The following STAG2 variants were observed in gnomAD, a reference collection of about 807,000 sequenced individuals.
The protein encoded by STAG2 is cohesin subunit SA-2.
Under a neutral mutation model 108.1 loss-of-function variants are expected in STAG2, and 14 were observed. The ratio of observed to expected loss-of-function variants is 0.13; its 90% CI spans 0.09 to 0.20. The LOEUF is 0.20. STAG2 is among the 10% of genes least tolerant of loss of function. The probability of loss-of-function intolerance (pLI) is 1.00; values close to 1 mark genes in which losing one functional copy is unlikely to be tolerated. For synonymous variants in STAG2, 307 were observed against 302.7 expected (o/e 1.01, Z -0.15); for missense variants, 440 against 940.9 (o/e 0.47, Z 6.96).
chrX:124,003,370 C>A (rs1382536417), intron 1 of STAG2: 2 of 111,619 alleles, frequency 1.8e-5, no homozygotes, highest in African/African-American at 6.5e-5. Flanking sequence ...TCACTGGCTT[C>A]TTTAGTTTTC....
At chrX:124,049,170 A>G in intron 10 of STAG2, 92 bp downstream of exon 10, 1 of 688,888 alleles carries the variant, frequency 1.5e-6, no homozygotes. Flanking sequence ...CTAAATTAGC[A>G]GGAAGAATGT....
intron 1 of STAG2, among the ~76,000 whole-genome samples, chrX:124,002,075 A>G (rs1010837859): frequency 1.8e-5 from 2 of 111,317 alleles, no homozygotes; most frequent in African/African-American, 6.5e-5. Context: ...TAAACACACA[A>G]AAACACAAAA....
At chrX:123,963,891 T>G (rs980758878) in intron 1 of STAG2, among the ~76,000 whole-genome samples, 1 of 111,801 alleles carries the variant, frequency 8.9e-6, no homozygotes, top group African/African-American at 3.3e-5. Context: ...TTTTTGATAC[T>G]TTTGCTATCT....
At chrX:124,072,394 A>G (rs2058685056) in intron 25 of STAG2, among the ~76,000 whole-genome samples, 1 of 112,040 alleles carries the variant, frequency 8.9e-6, no homozygotes, top group African/African-American at 3.2e-5. Context: ...ACTTTTAGCA[A>G]TAGAGAGCTT....
chrX:124,086,485 T>C (rs931355887), intron 29 of STAG2, 62 bp from the exon 30 acceptor site: 1 of 924,416 alleles, frequency 1.1e-6, no homozygotes, highest in African/African-American at 1.9e-5. Flanking sequence ...CTCGCACAAC[T>C]ATGAGTTAAT....
Position 124,081,956 on chromosome X carries a change from C to T in STAG2, c.2924+428C>T, listed in dbSNP as rs376025634. Among the ~76,000 whole-genome samples the T allele has an allele frequency of 8.9e-5, 10 of 112,017 alleles. 1 individual carries two copies. Among genetic ancestry groups the T allele is most frequent in the East Asian group, 8.4e-4 (3 of 3,572 alleles). The stretch of plus-strand genomic sequence containing the variant: ...AGTGAGCTGAGATTGCGCCACTGCA[C>T]TCCAGCCTGGGGGACAGAGCGAGGC... On this transcript the variant is annotated intron_variant, in intron 28 of 34. Coordinates refer to ENST00000371145, the MANE Select transcript of STAG2 (RefSeq NM_001042750.2).
At chrX:124,095,964 G>T (rs1251684623) in intron 34 of STAG2, among the ~76,000 whole-genome samples, 1 of 109,966 alleles carries the variant, frequency 9.1e-6, no homozygotes, top group Non-Finnish European at 1.9e-5. Context: ...GGTTTTGTCA[G>T]TTATTTTTCT....
chrX:123,998,587 C>CATCT (rs61659958), intron 1 of STAG2, among the ~76,000 whole-genome samples: 2,679 of 88,363 alleles, frequency 0.03, 52 homozygotes, highest in Admixed American at 0.051. Context: ...TCTGTCTATC[C>CATCT]ATCTATCTAT....
At position 123,967,905 on chromosome X, in the gene STAG2, C is replaced by CT. The variant is rs35898868; in HGVS notation, c.-163+6063dup. Among the ~76,000 whole-genome samples, 370 of 101,481 alleles carry CT rather than the reference C, an allele frequency of 3.6e-3. 3 individuals are homozygous for CT. The highest frequency in any genetic ancestry group is 9.6e-3 in the African/African-American group (271 of 28,162). 88.1% of individuals were successfully genotyped at this position (101,481 alleles called of 115,157 possible). ...CCTTATAATCTTATGGGACCACTGT[C>CT]TTTTTTTTTTTTTTAGATGGAGTCT... is the stretch of plus-strand genomic sequence containing the variant. On this transcript the variant is annotated intron_variant, in intron 1 of 34. Coordinates refer to ENST00000371145, the MANE Select transcript of STAG2 (RefSeq NM_001042750.2).
chrX:124,073,040 C>T lies in STAG2; in HGVS notation c.2533+1717C>T, dbSNP rs772442471. On this transcript the variant is annotated intron_variant, in intron 25 of 34. Transcript: ENST00000371145. ...GATTACAGGCATGAGCCACTGCGCCCGGCCTATAGTGCAATTTTTGATAAG... is the reference window on the plus strand; with the variant it reads ...GATTACAGGCATGAGCCACTGCGCCTGGCCTATAGTGCAATTTTTGATAAG... 1.8e-4 allele frequency among the ~76,000 whole-genome samples: 19 copies of T among 107,681 alleles called. No homozygotes were observed. In the East Asian group the frequency reaches 4.9e-3, roughly 28 times the overall value. 93.5% of individuals were successfully genotyped at this position (107,681 alleles called of 115,157 possible).
At chrX:124,057,819 T>G in intron 14 of STAG2, 47 bp from the exon 15 acceptor site, 1 of 888,612 alleles carries the variant, frequency 1.1e-6, no homozygotes, top group Non-Finnish European at 1.5e-6. Flanking sequence ...TATTAGAAAA[T>G]TTTTTGTTGT....
At chrX:124,006,196 T>C (rs2056280194) in intron 1 of STAG2, among the ~76,000 whole-genome samples, 1 of 111,369 alleles carries the variant, frequency 9.0e-6, no homozygotes, top group Non-Finnish European at 1.9e-5. Flanking sequence ...CTTTCATGTT[T>C]TGGCTATTAC....
chrX:123,994,630 T>G (rs1057232605), intron 1 of STAG2, among the ~76,000 whole-genome samples: 2 of 112,083 alleles, frequency 1.8e-5, no homozygotes, highest in African/African-American at 6.5e-5. Context: ...TTTTAGATAG[T>G]TCCTTAAGTA....
intron 6 of STAG2, among the ~76,000 whole-genome samples, chrX:124,038,518 T>C (rs2057591967): frequency 9.0e-6 from 1 of 111,236 alleles, no homozygotes; most frequent in Non-Finnish European, 1.9e-5. Flanking sequence ...AAAGAATGAT[T>C]TATTTAAACA....
intron 33 of STAG2, 100 bp downstream of exon 33, chrX:124,094,244 A>T (rs1365665868): frequency 1.1e-6 from 1 of 878,199 alleles, no homozygotes. Context: ...AAGAGAAGTA[A>T]GTTTTGCAAA....
At chrX:124,087,887 C>T (rs2059145418) in intron 30 of STAG2, among the ~76,000 whole-genome samples, 1 of 111,863 alleles carries the variant, frequency 8.9e-6, no homozygotes, top group Non-Finnish European at 1.9e-5. Flanking sequence ...ATCTTTTGTC[C>T]AGTAGTATAA....
intron 1 of STAG2, among the ~76,000 whole-genome samples, chrX:123,993,034 G>C (rs1482902640): frequency 9.0e-6 from 1 of 111,447 alleles, no homozygotes; most frequent in Non-Finnish European, 1.9e-5. Flanking sequence ...ATCTTGTTGG[G>C]ATTGATTATA....
At chrX:124,071,375 C>T in intron 25 of STAG2, 52 bp downstream of exon 25, 1 of 994,982 alleles carries the variant, frequency 1.0e-6, no homozygotes, top group Non-Finnish European at 1.4e-6. Flanking sequence ...TAAAATCAAA[C>T]TTAAGTAACA....
chrX:124,030,954 T>G lies in STAG2; in HGVS notation c.124-7T>G. The G allele has an allele frequency of 3.4e-6, 4 of 1,186,584 alleles. No individual in the cohort carries two copies. Among genetic ancestry groups the G allele is most frequent in the Non-Finnish European group, 4.5e-6 (4 of 885,802 alleles). ...TATAACTTAACCACCTCGTATTTTTTATGCAGACTTGTAAAAAAGGCAAAA... is the reference window on the plus strand; with the variant it reads ...TATAACTTAACCACCTCGTATTTTTGATGCAGACTTGTAAAAAAGGCAAAA... On this transcript the variant is annotated splice_polypyrimidine_tract_variant and splice_region_variant and intron_variant, in intron 4 of 34. Transcript: ENST00000371145.
Sources: gnomAD v4.1 joint callset for allele counts (sites outside exome capture counted in the v4.1 genomes callset) on GRCh38, gnomAD v4.1.1 for gene constraint, MANE v1.5 for transcripts, NCBI Gene and HGNC (gene_info 2026-07-23, HGNC 2026-07-21) for gene names.